ZRSR2: variants seen among roughly 807,000 people sequenced by gnomAD.
ZRSR2 encodes the protein zinc finger CCCH-type, RNA binding motif and serine/arginine rich 2, also known as U2 small nuclear ribonucleoprotein auxiliary factor 35 kDa subunit-related protein 2.
Under a neutral mutation model 39.4 loss-of-function variants are expected in ZRSR2, and 3 were observed. That is an observed-to-expected ratio of 0.08 (90% CI 0.03 to 0.20). The LOEUF is 0.20. ZRSR2 is among the 10% of genes least tolerant of loss of function. ZRSR2 has a pLI of 1.00. For missense variants in ZRSR2, 256 were observed against 391.5 expected, an observed-to-expected ratio of 0.65 and a Z score of 2.92; for synonymous variants, 137 against 136.0, an observed-to-expected ratio of 1.01 and a Z score of -0.05.
Position 15,799,904 on chromosome X carries a change from T to C in ZRSR2, c.154T>C (p.Phe52Leu). 2 of 1,205,854 alleles carry C rather than the reference T, an allele frequency of 1.7e-6. No homozygotes were observed. Among genetic ancestry groups the C allele is most frequent in the Non-Finnish European group, 2.2e-6 (2 of 891,426 alleles). Reference sequence around the variant, plus strand: ...ACAGAAGGAGGAAGAGGAGGACACTTTTATTGAAGAACAACAACTAGAAGA... The same window carrying C: ...ACAGAAGGAGGAAGAGGAGGACACTCTTATTGAAGAACAACAACTAGAAGA... ...LSQKEEEEDT[F>L]IEEQQLEEEK... The change falls in exon 3 of 11, where the codon TTT becomes CTT. Residue 52 changes from phenylalanine (F) to leucine (L), a missense_variant. By Grantham distance (22) the Phe-to-Leu change is conservative (BLOSUM62 0). Coordinates refer to ENST00000307771, the MANE Select transcript of ZRSR2 (RefSeq NM_005089.4).
At chrX:15,802,241 A>G (rs1447377332) in intron 3 of ZRSR2, among the ~76,000 whole-genome samples, 1 of 112,511 alleles carries the variant, frequency 8.9e-6, no homozygotes, top group Non-Finnish European at 1.9e-5. Context: ...GAAGTAATAT[A>G]GAACAGTTTC....
chrX:15,792,004 C>G (rs1194959787), intron 2 of ZRSR2, among the ~76,000 whole-genome samples: 6 of 112,090 alleles, frequency 5.4e-5, no homozygotes, highest in Non-Finnish European at 1.1e-4. Context: ...CGGGATTTCA[C>G]TGTGTTGCCT....
At chrX:15,810,248 A>G (rs1297149033) in intron 7 of ZRSR2, among the ~76,000 whole-genome samples, 1 of 110,757 alleles carries the variant, frequency 9.0e-6, no homozygotes. Flanking sequence ...GTCATTTAGC[A>G]AGTCTTCGAA....
chrX:15,797,674 A>T (rs6632738), intron 2 of ZRSR2, among the ~76,000 whole-genome samples: 1 of 108,103 alleles, frequency 9.3e-6, no homozygotes. Flanking sequence ...TGTTGCAAAT[A>T]TCCCCTAAAT....
chrX:15,792,612 A>G (rs968347307), intron 2 of ZRSR2, among the ~76,000 whole-genome samples: 9 of 112,128 alleles, frequency 8.0e-5, no homozygotes, highest in African/African-American at 2.9e-4. Flanking sequence ...GTTATTTACC[A>G]CTTTTTCTAT....
intron 2 of ZRSR2, among the ~76,000 whole-genome samples, chrX:15,792,234 C>A (rs1370892078): frequency 1.8e-5 from 2 of 112,044 alleles, no homozygotes; most frequent in Non-Finnish European, 3.8e-5. Flanking sequence ...ACCTGCCTGG[C>A]CAACATGATG....
At chrX:15,819,849 A>G (rs1933060822) in intron 9 of ZRSR2, among the ~76,000 whole-genome samples, 1 of 111,727 alleles carries the variant, frequency 9.0e-6, no homozygotes, top group African/African-American at 3.3e-5. Flanking sequence ...AGGCCATACC[A>G]TGGCTAATGG....
At chrX:15,822,660 T>C in intron 10 of ZRSR2, 71 bp from the exon 11 acceptor site, 1 of 1,200,427 alleles carries the variant, frequency 8.3e-7, no homozygotes, top group Non-Finnish European at 1.1e-6. Flanking sequence ...AAATGTACCT[T>C]CGGAAAAGGA....
rs1316082901 is a variant in ZRSR2, at chrX:15,818,896, G to A, written c.827+254G>A. Among the ~76,000 whole-genome samples, 4 of 109,219 alleles carry A rather than the reference G, an allele frequency of 3.7e-5. No homozygotes were observed. The Admixed American group carries it at 4.0e-4, about 11-fold the overall frequency. The allele number at this position is 109,219 out of a possible 115,157, so 94.8% of individuals were successfully genotyped here. On this transcript the variant is annotated intron_variant, in intron 9 of 10. Transcript: ENST00000307771. ...AGTGATTGTCCTGCCTCAGCCTCCT[G>A]AGTAGCTGGGATTACAGGTGCCTGC...
At chrX:15,810,530 T>C (rs1171143892) in intron 7 of ZRSR2, among the ~76,000 whole-genome samples, 2 of 111,832 alleles carry the variant, frequency 1.8e-5, no homozygotes, top group Non-Finnish European at 3.8e-5. Context: ...AAAGTATCCA[T>C]GCTGTGAGGT....
intron 2 of ZRSR2, among the ~76,000 whole-genome samples, chrX:15,793,497 T>C (rs1282206143): frequency 2.7e-5 from 3 of 111,816 alleles, no homozygotes; most frequent in African/African-American, 9.8e-5. Context: ...CTCACAATTC[T>C]TTGCCTAGTG....
intron 9 of ZRSR2, 52 bp from the exon 10 acceptor site, chrX:15,820,155 C>A: frequency 1.0e-6 from 1 of 993,116 alleles, no homozygotes; most frequent in Non-Finnish European, 1.4e-6. Context: ...TAGAGCTAAT[C>A]TACATATTAG....
chrX:15,811,426 C>A (rs970469913), intron 7 of ZRSR2, among the ~76,000 whole-genome samples: 1 of 73,828 alleles, frequency 1.4e-5, no homozygotes, highest in Non-Finnish European at 2.5e-5. Flanking sequence ...GATTCTCACC[C>A]CCCCCCCTTT....
chrX:15,798,998 C>G (rs1230434663), intron 2 of ZRSR2, among the ~76,000 whole-genome samples: 1 of 110,569 alleles, frequency 9.0e-6, no homozygotes, highest in Non-Finnish European at 1.9e-5. Flanking sequence ...CCATCCTGGC[C>G]AATGTGGTGA....
chrX:15,802,238 T>A (rs1026602211), intron 3 of ZRSR2, among the ~76,000 whole-genome samples: 12 of 112,435 alleles, frequency 1.1e-4, no homozygotes, highest in Non-Finnish European at 2.3e-4. Context: ...GCTGAAGTAA[T>A]ATAGAACAGT....
intron 7 of ZRSR2, among the ~76,000 whole-genome samples, chrX:15,811,993 G>C (rs777267799): frequency 4.4e-4 from 49 of 111,282 alleles, no homozygotes; most frequent in Non-Finnish European, 7.7e-4. Context: ...GCAGTGGCAC[G>C]ATCTCCGCTC....
intron 9 of ZRSR2, among the ~76,000 whole-genome samples, chrX:15,819,480 G>T (rs980531144): frequency 9.0e-6 from 1 of 110,742 alleles, no homozygotes; most frequent in Non-Finnish European, 1.9e-5. Context: ...GTGAGGCTGA[G>T]GCAGGAGGAT....
Position 15,823,026 on chromosome X carries a change from A to T in ZRSR2, c.1233A>T (p.Thr411=). The T allele has an allele frequency of 8.2e-7, 1 of 1,212,222 alleles. No individual in the cohort carries two copies. Among genetic ancestry groups the T allele is most frequent in the Non-Finnish European group, 1.1e-6 (1 of 895,619 alleles). The part of the protein sequence containing the change: ...RHRGKKSHKR[T]SKSRERHNSR... ...GGGGGAAGAAATCTCACAAACGCACATCAAAGAGTCGGGAGAGGCACAATT... is the reference window on the plus strand; with the variant it reads ...GGGGGAAGAAATCTCACAAACGCACTTCAAAGAGTCGGGAGAGGCACAATT... Residue 411 remains threonine, a synonymous_variant, in exon 11 of 11, where the codon ACA becomes ACT. Coordinates refer to ENST00000307771, the MANE Select transcript of ZRSR2 (RefSeq NM_005089.4).
In ZRSR2 at chrX:15,799,940, T is replaced by C. The variant is rs1157687587; in HGVS notation, c.190T>C (p.Leu64=). Residue 64 remains leucine (L), a synonymous_variant, in exon 3 of 11, where the codon TTG becomes CTG. Coordinates refer to ENST00000307771, the MANE Select transcript of ZRSR2 (RefSeq NM_005089.4). ...ACAACAACTAGAAGAAGAGAAGCTA[T>C]TGGAAAGAGAGAGGTCAGTGCTAAT... is the stretch of plus-strand genomic sequence containing the variant. The part of the protein sequence containing the change: ...EEQQLEEEKL[L]ERERQRLHEE... 5.0e-6 allele frequency: 6 copies of C among 1,195,466 alleles called. No individual in the cohort carries two copies. The highest frequency in any genetic ancestry group is 6.8e-6 in the Non-Finnish European group (6 of 884,492).
Sources: allele counts gnomAD v4.1 joint callset (sites outside exome capture counted in the v4.1 genomes callset), GRCh38; gene constraint gnomAD v4.1.1; transcripts MANE v1.5; gene names NCBI Gene and HGNC (gene_info 2026-07-23, HGNC 2026-07-21).